Variants in ABRAXAS1 observed in about 807,000 individuals in gnomAD.
The protein encoded by ABRAXAS1 is abraxas 1, BRCA1 A complex subunit, also known as BRCA1-A complex subunit Abraxas 1.
ABRAXAS1 carries 26 observed loss-of-function variants against 38.4 expected under a neutral mutation model. The ratio of observed to expected loss-of-function variants is 0.68; its 90% CI spans 0.50 to 0.94. ABRAXAS1 has a LOEUF of 0.94. Ranked by LOEUF, ABRAXAS1 falls within the 40% of genes least tolerant of loss-of-function variation. The pLI, the probability that ABRAXAS1 is intolerant of heterozygous loss-of-function variation, is 0.00. For synonymous variants in ABRAXAS1, 144 were observed against 165.5 expected (o/e 0.87, Z 1.00); for missense variants, 438 against 481.9 (o/e 0.91, Z 0.85).
intron 6 of ABRAXAS1, among the ~76,000 whole-genome samples, chr4:83,468,602 T>C (rs952533811): frequency 8.5e-5 from 13 of 152,188 alleles, no homozygotes; most frequent in Non-Finnish European, 1.9e-4. Context: ...ATCCGAACCA[T>C]TGCCTTAGAA....
intron 2 of ABRAXAS1, chr4:83,478,975 G>A (rs1722883089): frequency 6.6e-6 from 1 of 151,982 alleles, no homozygotes; most frequent in East Asian, 1.9e-4. Context: ...CAGAGAAAAT[G>A]GCCAAGAAAA....
chr4:83,476,640 T>C lies in ABRAXAS1; in HGVS notation c.215+3A>G. ...TCATTTACTTACTAGCACTACTACT[T>C]ACCTAAAAAGCTGATAGCATGGAAT... On this transcript the variant is annotated splice_donor_region_variant and intron_variant, in intron 3 of 8. Transcript: ENST00000321945. The C allele has an allele frequency of 6.4e-7, 1 of 1,560,430 alleles. No homozygotes were observed. Among genetic ancestry groups the C allele is most frequent in the Non-Finnish European group, 8.8e-7 (1 of 1,132,642 alleles).
chr4:83,467,390 T>C, intron 7 of ABRAXAS1, 64 bp downstream of exon 7: 1 of 916,196 alleles, frequency 1.1e-6, no homozygotes, highest in South Asian at 1.4e-5. Flanking sequence ...CTAAAAAATG[T>C]CAGTCATTAA....
intron 7 of ABRAXAS1, among the ~76,000 whole-genome samples, chr4:83,464,545 G>T (rs1472969958): frequency 6.6e-6 from 1 of 152,126 alleles, no homozygotes; most frequent in East Asian, 1.9e-4. Flanking sequence ...CCAACTGTAG[G>T]GTAATAGTTG....
At chr4:83,483,949 A>G (rs1341014549) in intron 1 of ABRAXAS1, 1 of 844,814 alleles carries the variant, frequency 1.2e-6, no homozygotes, top group South Asian at 5.4e-5. Flanking sequence ...TTTATTAGGT[A>G]TTACTTTGTA....
Position 83,485,027 on chromosome 4 carries a change from C to CGAGCACAAAGCCCGA in ABRAXAS1, c.31_45dup (p.Ser11_Leu15dup), listed in dbSNP as rs765387476. 3.8e-6 allele frequency: 6 copies of CGAGCACAAAGCCCGA among 1,596,182 alleles called. No individual in the cohort carries two copies. The South Asian group carries it at 6.7e-5, about 18-fold the overall frequency. Reference sequence around the variant, plus strand: ...TTGAGGTGCTGGAAAGCGAGTGCGCCGAGCACAAAGCCCGAGAGCACCGCC... The same window carrying CGAGCACAAAGCCCGA: ...TTGAGGTGCTGGAAAGCGAGTGCGCCGAGCACAAAGCCCGAGAGCACAAAGCCCGAGAGCACCGCC... On this transcript the variant is annotated inframe_insertion, in exon 1 of 9. Transcript: ENST00000321945.
At position 83,459,715 on chromosome 4, in the gene ABRAXAS1, C is replaced by G. The variant is rs1389386327; in HGVS notation, c.*2754G>C. On this transcript the variant is annotated 3_prime_UTR_variant, in exon 9 of 9. Transcript: ENST00000321945. ...AATAAATAACAGATACTTTTTTTTC[C>G]CCTCCACATAAAACTCCAAAACAGC... 6.3e-7 allele frequency: 1 copy of G among 1,586,348 alleles called. No individual in the cohort carries two copies. The highest frequency in any genetic ancestry group is 1.4e-5 in the African/African-American group (1 of 73,576).
chr4:83,482,672 G>A (rs1299590721), intron 1 of ABRAXAS1, among the ~76,000 whole-genome samples: 1 of 152,206 alleles, frequency 6.6e-6, no homozygotes. Context: ...CTCCAGCCCA[G>A]GCGATAGAGT....
rs550154981 is a variant in ABRAXAS1, at chr4:83,485,067, C to G, written c.6G>C (p.Glu2Asp). 5.0e-6 allele frequency: 8 copies of G among 1,588,040 alleles called. No homozygotes were observed. The African/African-American group carries it at 5.6e-5, about 11-fold the overall frequency. Residue 2 changes from glutamate (E) to aspartate (D), a missense_variant, in exon 1 of 9, where the codon GAG becomes GAC. Transcript: ENST00000321945. M[E>D]GESTSAVLSG... ...AGAGCACCGCCGACGTACTCTCCCC[C>G]TCCATGCTACCGCCGCCTCAGGCTA...
chr4:83,464,530 A>C (rs1180066993), intron 7 of ABRAXAS1, among the ~76,000 whole-genome samples: 1 of 152,178 alleles, frequency 6.6e-6, no homozygotes, highest in East Asian at 1.9e-4. Flanking sequence ...AAAAGCAACT[A>C]ATTTCCAACT....
intron 5 of ABRAXAS1, 165 bp from the exon 6 acceptor site, chr4:83,469,316 G>GTTTT (rs148107040): frequency 1.3e-4 from 62 of 474,626 alleles, no homozygotes; most frequent in African/African-American, 6.2e-4. Context: ...TGAAACAACT[G>GTTTT]TTTTTTTTTT....
At chr4:83,469,900 A>G in intron 5 of ABRAXAS1, 1 of 198,068 alleles carries the variant, frequency 5.0e-6, no homozygotes, top group East Asian at 1.2e-4. Context: ...TAAATTCTAA[A>G]TTCTAAATTA....
intron 3 of ABRAXAS1, among the ~76,000 whole-genome samples, chr4:83,475,947 A>T (rs1325093547): frequency 6.6e-6 from 1 of 152,240 alleles, no homozygotes; most frequent in Non-Finnish European, 1.5e-5. Context: ...CACGCCTGTA[A>T]TCCCAGTACT....
At chr4:83,468,800 G>A (rs544174536) in intron 6 of ABRAXAS1, among the ~76,000 whole-genome samples, 38 of 151,672 alleles carry the variant, frequency 2.5e-4, no homozygotes, top group Middle Eastern at 3.4e-3. Context: ...TCAGCCTCCC[G>A]AAGTGCTGGG....
chr4:83,463,658 C>A (rs762693427), intron 7 of ABRAXAS1, 50 bp from the exon 8 acceptor site: 1 of 983,742 alleles, frequency 1.0e-6, no homozygotes. Context: ...AAGCTGTGTA[C>A]TAATACAGTC....
intron 4 of ABRAXAS1, among the ~76,000 whole-genome samples, chr4:83,470,764 A>C (rs1722551023): frequency 6.6e-6 from 1 of 152,246 alleles, no homozygotes; most frequent in African/African-American, 2.4e-5. Context: ...CCCTCCCTGA[A>C]AATAAATTAA....
At chr4:83,472,568 C>T (rs940381331) in intron 3 of ABRAXAS1, among the ~76,000 whole-genome samples, 4 of 152,026 alleles carry the variant, frequency 2.6e-5, no homozygotes, top group Non-Finnish European at 4.4e-5. Flanking sequence ...GTAAACTATC[C>T]ATGAAATACA....
rs191585231 is a variant in ABRAXAS1 at position 83,461,683 on chromosome 4, A to T, written c.*786T>A. 601 of 249,676 alleles carry T rather than the reference A, an allele frequency of 2.4e-3. 17 individuals carry two copies. Among genetic ancestry groups the T allele is most frequent in the Non-Finnish European group, 5.8e-4 (74 of 126,690 alleles). 15.5% of individuals were successfully genotyped at this position (249,676 alleles called of 1,614,324 possible). A position where few individuals can be genotyped will look rare whatever the true frequency, so the allele number is the denominator to read the frequency against. On this transcript the variant is annotated 3_prime_UTR_variant, in exon 9 of 9. Coordinates refer to ENST00000321945, the MANE Select transcript of ABRAXAS1 (RefSeq NM_139076.3). ...TAGACATTGAATATGATAGACATAC[A>T]TGTATATATGTATCAGTTCTGAGTT... is the stretch of plus-strand genomic sequence containing the variant.
intron 1 of ABRAXAS1, chr4:83,484,308 T>C: frequency 1.5e-6 from 1 of 666,922 alleles, no homozygotes; most frequent in Non-Finnish European, 1.9e-6. Context: ...AGACTTTCTT[T>C]CTGCAAGTTA....
Sources: gnomAD v4.1 joint callset for allele counts (sites outside exome capture counted in the v4.1 genomes callset) on GRCh38, gnomAD v4.1.1 for gene constraint, MANE v1.5 for transcripts, NCBI Gene and HGNC (gene_info 2026-07-23, HGNC 2026-07-21) for gene names.